The following KANK1 variants were observed in gnomAD, a reference collection of about 807,000 sequenced individuals.
KANK1 encodes the protein KN motif and ankyrin repeat domains 1, also known as KN motif and ankyrin repeat domain-containing protein 1.
Under a neutral mutation model 106.2 loss-of-function variants are expected in KANK1, and 109 were observed. The ratio of observed to expected loss-of-function variants is 1.03; its 90% CI spans 0.88 to 1.20. The LOEUF is 1.20. Ranked by LOEUF, KANK1 falls within the 50% of genes most tolerant of loss-of-function variation. KANK1 has a pLI of 0.00. For synonymous variants in KANK1, 873 were observed against 652.2 expected (o/e 1.34, Z -5.16); for missense variants, 2,399 against 1,710.7 (o/e 1.40, Z -7.10).
chr9:475,305 G>A (rs1272729516), intron 3 of KANK1, among the ~76,000 whole-genome samples: 2 of 152,152 alleles, frequency 1.3e-5, no homozygotes, highest in African/African-American at 4.8e-5. Context: ...AATGCTAGCA[G>A]GCCACTGCAC....
intron 1 of KANK1, among the ~76,000 whole-genome samples, chr9:587,575 G>A (rs908260590): frequency 1.3e-5 from 2 of 152,128 alleles, no homozygotes; most frequent in Admixed American, 6.5e-5. Context: ...TGTTAAAATT[G>A]TACTATATTA....
At chr9:528,009 T>C (rs963915246) in intron 1 of KANK1, among the ~76,000 whole-genome samples, 19 of 151,808 alleles carry the variant, frequency 1.3e-4, no homozygotes, top group African/African-American at 4.6e-4. Flanking sequence ...CGGGCGCCTG[T>C]ATAGTCCCAG....
At chr9:535,849 C>A (rs2060273556) in intron 1 of KANK1, among the ~76,000 whole-genome samples, 1 of 152,186 alleles carries the variant, frequency 6.6e-6, no homozygotes, top group South Asian at 2.1e-4. Flanking sequence ...GTTTATATTT[C>A]TATTAACAGG....
intron 1 of KANK1, among the ~76,000 whole-genome samples, chr9:552,293 T>C (rs1372664916): frequency 2.6e-5 from 4 of 152,118 alleles, no homozygotes; most frequent in Admixed American, 2.6e-4. Flanking sequence ...AAGACGAAAG[T>C]AGAAGCAAGA....
At chr9:604,550 G>A (rs1828601693) in intron 1 of KANK1, among the ~76,000 whole-genome samples, 1 of 151,790 alleles carries the variant, frequency 6.6e-6, no homozygotes, top group Non-Finnish European at 1.5e-5. Context: ...TAAGTTTCCT[G>A]GCCGGGTGCA....
intron 1 of KANK1, among the ~76,000 whole-genome samples, chr9:670,157 T>G (rs1386404192): frequency 6.6e-6 from 1 of 152,196 alleles, no homozygotes; most frequent in African/African-American, 2.4e-5. Context: ...TCCCTGAGTT[T>G]CTGTGAAACT....
intron 1 of KANK1, among the ~76,000 whole-genome samples, chr9:579,230 C>T (rs918247489): frequency 1.3e-5 from 2 of 152,026 alleles, no homozygotes; most frequent in African/African-American, 4.8e-5. Context: ...TTCCCTCTGC[C>T]CCCAGTGTGG....
intron 1 of KANK1, among the ~76,000 whole-genome samples, chr9:608,952 G>A (rs1829960802): frequency 6.6e-6 from 1 of 152,056 alleles, no homozygotes; most frequent in Non-Finnish European, 1.5e-5. Context: ...ATAACACATG[G>A]GCGTATACTC....
At chr9:608,025 A>ATT (rs200257324) in intron 1 of KANK1, among the ~76,000 whole-genome samples, 5 of 78,162 alleles carry the variant, frequency 6.4e-5, no homozygotes, top group African/African-American at 1.0e-4. Context: ...TATTATTATT[A>ATT]TTATTATTAT....
intron 1 of KANK1, among the ~76,000 whole-genome samples, chr9:639,149 G>A (rs1837814003): frequency 6.6e-6 from 1 of 151,990 alleles, no homozygotes; most frequent in Non-Finnish European, 1.5e-5. Context: ...GGCTTCAACA[G>A]GTCTCTTCAA....
intron 1 of KANK1, among the ~76,000 whole-genome samples, chr9:611,750 T>G (rs1226659006): frequency 6.6e-6 from 1 of 152,136 alleles, no homozygotes; most frequent in Non-Finnish European, 1.5e-5. Context: ...ACAAAGTCTT[T>G]CTCTGTTGCC....
At chr9:670,862 G>A (rs1845713112) in intron 1 of KANK1, among the ~76,000 whole-genome samples, 1 of 151,928 alleles carries the variant, frequency 6.6e-6, no homozygotes, top group African/African-American at 2.4e-5. Context: ...TCTGAGTTGG[G>A]GGAAGTTTTA....
chr9:662,394 G>C (rs1004587217), intron 1 of KANK1, among the ~76,000 whole-genome samples: 3 of 152,148 alleles, frequency 2.0e-5, no homozygotes, highest in African/African-American at 4.8e-5. Context: ...AAAGAACAAA[G>C]CTGGAGGCAT....
At chr9:604,091 A>G (rs79365400) in intron 1 of KANK1, among the ~76,000 whole-genome samples, 2,020 of 151,808 alleles carry the variant, frequency 0.013, 101 homozygotes, top group African/African-American at 0.046. Context: ...TTGGGGTACC[A>G]GTTCATAATA....
chr9:525,275 G>T (rs1041728058), intron 1 of KANK1, among the ~76,000 whole-genome samples: 3 of 151,442 alleles, frequency 2.0e-5, no homozygotes, highest in African/African-American at 7.3e-5. Flanking sequence ...GATTACAGGC[G>T]TGAGCTACTG....
chr9:658,702 G>A (rs1842673961), intron 1 of KANK1, among the ~76,000 whole-genome samples: 1 of 152,040 alleles, frequency 6.6e-6, no homozygotes, highest in Non-Finnish European at 1.5e-5. Flanking sequence ...ATAGATACCA[G>A]ATTGCTGTAG....
At chr9:742,789 GGTTACACGGT>G (rs1165520167) in intron 10 of KANK1, among the ~76,000 whole-genome samples, 1 of 152,160 alleles carries the variant, frequency 6.6e-6, no homozygotes, top group Non-Finnish European at 1.5e-5. Flanking sequence ...TAGAGGCTGG[GGTTACACGGT>G]GACTAAAACC....
chr9:710,997 G>C lies in KANK1; in HGVS notation c.231G>C (p.Arg77Ser). ...RKPSVPCPEP[R>S]TTSGQQGIWT... Reference sequence around the variant, plus strand: ...CGTCCGTGCCATGCCCAGAACCCAGGACCACATCTGGTCAGCAAGGTATAT... The same window carrying C: ...CGTCCGTGCCATGCCCAGAACCCAGCACCACATCTGGTCAGCAAGGTATAT... The change falls in exon 3 of 12, where the codon AGG becomes AGC. Residue 77 changes from arginine (R) to serine (S), a missense_variant. By Grantham distance (110) the Arg-to-Ser change is moderately radical. Transcript: ENST00000382297. The C allele has an allele frequency of 3.1e-6, 5 of 1,614,110 alleles. No individual in the cohort carries two copies. The highest frequency in any genetic ancestry group is 4.2e-6 in the Non-Finnish European group (5 of 1,180,032).
At chr9:647,822 G>C (rs1017487446) in intron 1 of KANK1, among the ~76,000 whole-genome samples, 2 of 150,348 alleles carry the variant, frequency 1.3e-5, no homozygotes, top group Admixed American at 1.3e-4. Flanking sequence ...CGCAATCCCA[G>C]ATCTTCCATG....
Sources: allele counts gnomAD v4.1 joint callset (sites outside exome capture counted in the v4.1 genomes callset), GRCh38; gene constraint gnomAD v4.1.1; transcripts MANE v1.5; gene names NCBI Gene and HGNC (gene_info 2026-07-23, HGNC 2026-07-21).